Variants in DCAF5 observed in about 807,000 individuals in gnomAD.
DCAF5 encodes the protein DDB1- and CUL4-associated factor 5.
In DCAF5, 9 loss-of-function variants were observed where a neutral mutation model predicts 80.7. That is an observed-to-expected ratio of 0.11 (90% CI 0.07 to 0.19). DCAF5 has a LOEUF of 0.19. DCAF5 is among the 10% of genes least tolerant of loss of function. The pLI is 1.00. For synonymous variants in DCAF5, 433 were observed against 461.9 expected, an observed-to-expected ratio of 0.94 and a Z score of 0.80; for missense variants, 842 against 1,205.7, an observed-to-expected ratio of 0.70 and a Z score of 4.47.
chr14:69,085,998 C>A (rs910979864), intron 6 of DCAF5, among the ~76,000 whole-genome samples: 1 of 152,168 alleles, frequency 6.6e-6, no homozygotes, highest in East Asian at 1.9e-4. Context: ...ACACTACTGT[C>A]GGCCTCAGTT....
Position 69,055,184 on chromosome 14 carries a change from G to T in DCAF5, c.1502C>A (p.Pro501His), listed in dbSNP as rs562898522. Reference protein sequence around the residue: ...TNTVASTPPTPTCEDAASRQQ... With the variant: ...TNTVASTPPTHTCEDAASRQQ... ...GCGAGAGGCTGCATCCTCACACGTG[G>T]GTGTTGGTGGAGTTGAGGCTACTGT... Residue 501 changes from proline to histidine, a missense_variant, in exon 9 of 9, where the codon CCC becomes CAC. Transcript: ENST00000341516. This position sits in a 1 kb window ranked among gnomAD's most constrained non-coding sequence, Gnocchi z 5.6. The T allele has an allele frequency of 2.0e-5, 32 of 1,614,224 alleles. 1 individual carries two copies. In the South Asian group the frequency reaches 3.4e-4, roughly 17 times the overall value.
chr14:69,062,536 A>G, intron 7 of DCAF5, 25 bp from the exon 8 acceptor site: 1 of 1,609,600 alleles, frequency 6.2e-7, no homozygotes. Context: ...GGAAACAAAA[A>G]TCAGATGATG....
chr14:69,085,024 G>A, intron 6 of DCAF5: 2 of 1,344,382 alleles, frequency 1.5e-6, no homozygotes, highest in South Asian at 1.2e-5. Flanking sequence ...GTTCCATTAA[G>A]TGAATTTGAC....
intron 6 of DCAF5, chr14:69,084,291 C>A (rs749334022): frequency 1.0e-6 from 1 of 961,670 alleles, no homozygotes; most frequent in Non-Finnish European, 1.7e-6. Flanking sequence ...ATCAACATCA[C>A]TGTGGTCACA....
At chr14:69,144,452 G>A (rs1045899296) in intron 1 of DCAF5, among the ~76,000 whole-genome samples, 4 of 151,820 alleles carry the variant, frequency 2.6e-5, no homozygotes, top group Non-Finnish European at 4.4e-5. Flanking sequence ...GGTGCCTGTA[G>A]TCCCAACTAC....
chr14:69,078,511 G>T (rs2038980620), intron 6 of DCAF5, among the ~76,000 whole-genome samples: 1 of 152,190 alleles, frequency 6.6e-6, no homozygotes. Flanking sequence ...GTTCATAACA[G>T]CACTGTTTAT....
rs140586300 is a variant in DCAF5 at position 69,067,022 on chromosome 14, CCT to C, written c.947-4513_947-4512del. Among the ~76,000 whole-genome samples the C allele has an allele frequency of 1.2e-4, 19 of 152,284 alleles. No homozygotes were observed. In the East Asian group the frequency reaches 3.7e-3, roughly 29 times the overall value. ...TGTCCTCAATACCACTTCCCGTCTT[CCT>C]CTGTTCTACTTTTTCTATAGCACTT... On this transcript the variant is annotated intron_variant, in intron 7 of 8. Coordinates refer to ENST00000341516, the MANE Select transcript of DCAF5 (RefSeq NM_003861.3).
chr14:69,119,394 AAGGAT>A (rs2040639472), intron 2 of DCAF5, among the ~76,000 whole-genome samples, 164 bp from the exon 3 acceptor site: 3 of 152,298 alleles, frequency 2.0e-5, no homozygotes, highest in South Asian at 4.1e-4. Context: ...ATAATTTAAG[AAGGAT>A]AGGACATTCT....
intron 2 of DCAF5, 149 bp from the exon 3 acceptor site, chr14:69,119,379 T>C (rs2040639077): frequency 5.4e-6 from 4 of 740,660 alleles, no homozygotes; most frequent in East Asian, 2.8e-5. Context: ...AAAAGATTTA[T>C]AGAAATAATT....
At chr14:69,082,464 C>CCA (rs2039143928) in intron 6 of DCAF5, among the ~76,000 whole-genome samples, 6 of 24,532 alleles carry the variant, frequency 2.4e-4, no homozygotes, top group Non-Finnish European at 8.1e-4. Flanking sequence ...AGAAAAAATT[C>CCA]TATTAAGGAA....
At chr14:69,122,029 GAAGA>G (rs367722348) in intron 2 of DCAF5, among the ~76,000 whole-genome samples, 184 bp downstream of exon 2, 141 of 152,254 alleles carry the variant, frequency 9.3e-4, no homozygotes, top group African/African-American at 3.1e-3. Context: ...AAAAAAAAGA[GAAGA>G]GAGAAAAGAC....
At chr14:69,099,010 T>C (rs939608776) in intron 5 of DCAF5, among the ~76,000 whole-genome samples, 2 of 151,806 alleles carry the variant, frequency 1.3e-5, no homozygotes, top group Non-Finnish European at 2.9e-5. Context: ...CCCAGCACTT[T>C]GGGAGGCCAA....
At chr14:69,122,537 C>A (rs2040754325) in intron 1 of DCAF5, among the ~76,000 whole-genome samples, 177 bp from the exon 2 acceptor site, 1 of 152,140 alleles carries the variant, frequency 6.6e-6, no homozygotes, top group Non-Finnish European at 1.5e-5. Context: ...GGCACGTGTT[C>A]TCTAGGCCAT....
chr14:69,128,517 G>A (rs2040942582), intron 1 of DCAF5, among the ~76,000 whole-genome samples: 2 of 152,078 alleles, frequency 1.3e-5, no homozygotes, highest in African/African-American at 4.8e-5. Context: ...TATGTTTAAT[G>A]TTCATGATAG....
intron 5 of DCAF5, among the ~76,000 whole-genome samples, chr14:69,098,893 CAAAAAAAAAAAAA>C (rs57089112): frequency 1.7e-5 from 1 of 59,578 alleles, no homozygotes; most frequent in Non-Finnish European, 3.1e-5. Context: ...ACTCTGTCTC[CAAAAAAAAAAAAA>C]AAAAAAAAAG....
Position 69,053,097 on chromosome 14 carries a change from C to T in DCAF5, c.*760G>A, listed in dbSNP as rs1335746864. ...CTAGCTCTATTTTATGGCCTTCATA[C>T]AGTACATGTTGCAGCACTGCTCAAT... On this transcript the variant is annotated 3_prime_UTR_variant, in exon 9 of 9. Coordinates refer to ENST00000341516, the MANE Select transcript of DCAF5 (RefSeq NM_003861.3). 1 of 152,234 alleles carries T rather than the reference C, an allele frequency of 6.6e-6. No individual in the cohort carries two copies. Among genetic ancestry groups the T allele is most frequent in the Admixed American group, 6.5e-5 (1 of 15,282 alleles). The allele number at this position is 152,234 out of a possible 1,614,324, so 9.4% of individuals were successfully genotyped here.
At chr14:69,145,134 C>T (rs575535710) in intron 1 of DCAF5, among the ~76,000 whole-genome samples, 3 of 152,200 alleles carry the variant, frequency 2.0e-5, no homozygotes, top group African/African-American at 4.8e-5. Context: ...CCTCCCACCT[C>T]GGCCTCCTGT....
At chr14:69,077,346 C>T (rs2038938167) in intron 6 of DCAF5, among the ~76,000 whole-genome samples, 1 of 148,720 alleles carries the variant, frequency 6.7e-6, no homozygotes, top group Admixed American at 6.7e-5. Flanking sequence ...GGAACACAGG[C>T]ATGCACCACG....
At chr14:69,110,689 AAC>A (rs2040331733) in intron 5 of DCAF5, among the ~76,000 whole-genome samples, 3 of 152,034 alleles carry the variant, frequency 2.0e-5, no homozygotes. Context: ...CAGCCTGGGT[AAC>A]ACAAAGAGAC....
Sources: allele counts gnomAD v4.1 joint callset (sites outside exome capture counted in the v4.1 genomes callset), GRCh38; gene constraint gnomAD v4.1.1; non-coding constraint Gnocchi (gnomAD v3.1); transcripts MANE v1.5; gene names NCBI Gene and HGNC (gene_info 2026-07-23, HGNC 2026-07-21).